Variants in WDR59 observed in about 807,000 individuals in gnomAD.
WDR59 encodes the protein WD repeat domain 59.
In WDR59, 100 loss-of-function variants were observed where a neutral mutation model predicts 131.2. The ratio of observed to expected loss-of-function variants is 0.76; its 90% CI spans 0.65 to 0.90. The LOEUF (loss-of-function observed/expected upper bound fraction) is 0.90, where lower values mean the gene tolerates loss of function less well. Among genes scored for constraint, WDR59 ranks in the 40% least tolerant of loss-of-function variants. The pLI is 0.00. For synonymous variants in WDR59, 601 were observed against 466.2 expected (o/e 1.29, Z -3.72); for missense variants, 1,203 against 1,262.2 (o/e 0.95, Z 0.71).
chr16:74,921,933 C>T lies in WDR59; in HGVS notation c.886+14G>A, dbSNP rs373758287. ...GCTCAGAAGGAAAGTGGGCAGCAGG[C>T]CTCTCCCACTCACCTTCCTTCTGCT... On this transcript the variant is annotated intron_variant, in intron 10 of 25. Coordinates refer to ENST00000262144, the MANE Select transcript of WDR59 (RefSeq NM_030581.4). The T allele has an allele frequency of 6.2e-7, 1 of 1,612,074 alleles. No homozygotes were observed. The highest frequency in any genetic ancestry group is 8.5e-7 in the Non-Finnish European group (1 of 1,179,302).
At chr16:74,957,132 G>A (rs2033333421) in intron 2 of WDR59, among the ~76,000 whole-genome samples, 1 of 145,910 alleles carries the variant, frequency 6.9e-6, no homozygotes, top group Admixed American at 7.1e-5. Context: ...CCAGGCTGGA[G>A]TACTGTGGTA....
chr16:74,903,377 A>G (rs1346568732), intron 18 of WDR59, among the ~76,000 whole-genome samples: 1 of 152,184 alleles, frequency 6.6e-6, no homozygotes, highest in East Asian at 1.9e-4. Context: ...CAGCTTAATG[A>G]TAACTACTTT....
chr16:74,948,502 G>A lies in WDR59; in HGVS notation c.445+17C>T, dbSNP rs756132660. 42 of 1,611,074 alleles carry A rather than the reference G, an allele frequency of 2.6e-5. No individual in the cohort carries two copies. Among genetic ancestry groups the A allele is most frequent in the African/African-American group, 6.7e-5 (5 of 74,832 alleles). ...AAACCAAGGCGCCAGGGTGAGGTGG[G>A]AGAAGCATACACTCACCAACAGCAG... On this transcript the variant is annotated intron_variant, in intron 6 of 25. Coordinates refer to ENST00000262144, the MANE Select transcript of WDR59 (RefSeq NM_030581.4).
chr16:74,893,832 T>C lies in WDR59; in HGVS notation c.1867-20A>G, dbSNP rs1468670651. On this transcript the variant is annotated intron_variant, in intron 18 of 25. Transcript: ENST00000262144. ...TGATTTCTAGGGGTAGATGACAGGA[T>C]GTAACTAATGGGGACTTTGACAAGT... The C allele has an allele frequency of 1.9e-6, 3 of 1,613,160 alleles. No individual in the cohort carries two copies. Among genetic ancestry groups the C allele is most frequent in the African/African-American group, 2.7e-5 (2 of 75,018 alleles).
At chr16:74,973,197 C>A (rs929390017) in intron 1 of WDR59, among the ~76,000 whole-genome samples, 1 of 152,064 alleles carries the variant, frequency 6.6e-6, no homozygotes, top group Non-Finnish European at 1.5e-5. Context: ...GCCAAGATTG[C>A]GCCATTGCAC....
intron 17 of WDR59, among the ~76,000 whole-genome samples, chr16:74,905,332 G>A (rs367547399): frequency 1.3e-4 from 19 of 150,286 alleles, no homozygotes; most frequent in East Asian, 8.0e-4. Flanking sequence ...CTGAGATTGC[G>A]CCATTGCACT....
At chr16:74,931,576 A>G (rs2031388727) in intron 8 of WDR59, among the ~76,000 whole-genome samples, 1 of 152,156 alleles carries the variant, frequency 6.6e-6, no homozygotes, top group South Asian at 2.1e-4. Flanking sequence ...AGTTCAAGCA[A>G]TCTGCCCGCT....
At chr16:74,927,452 G>C (rs2030927226) in intron 8 of WDR59, among the ~76,000 whole-genome samples, 1 of 151,972 alleles carries the variant, frequency 6.6e-6, no homozygotes, top group Non-Finnish European at 1.5e-5. Flanking sequence ...GCCAGGCATG[G>C]TGGCACACGC....
intron 13 of WDR59, 71 bp from the exon 14 acceptor site, chr16:74,912,433 C>G: frequency 6.7e-7 from 1 of 1,494,616 alleles, no homozygotes; most frequent in Non-Finnish European, 9.1e-7. Context: ...GCACATTTAA[C>G]TGAACGCTCC....
chr16:74,961,846 T>C (rs1187460028), intron 2 of WDR59, among the ~76,000 whole-genome samples: 1 of 152,168 alleles, frequency 6.6e-6, no homozygotes, highest in Non-Finnish European at 1.5e-5. Context: ...TTGGTGTTTT[T>C]GTCATAAAAT....
chr16:74,942,612 T>C (rs1244431049), intron 7 of WDR59, 126 bp downstream of exon 7: 3 of 835,288 alleles, frequency 3.6e-6, no homozygotes, highest in Non-Finnish European at 3.9e-6. Context: ...GAGCTTAAAA[T>C]GGTCATTTAC....
rs769892092 is a variant in WDR59, at chr16:74,916,198, G to C, written c.1028C>G (p.Pro343Arg). Residue 343 changes from proline to arginine, a missense_variant, in exon 12 of 26, where the codon CCG (proline) becomes CGG (arginine). Pro to Arg is a moderately radical substitution (Grantham distance 103, BLOSUM62 -2). Transcript: ENST00000262144. ...DEFIESISLL[P>R]EPEKTLHTED... The stretch of plus-strand genomic sequence containing the variant: ...AGTGTGCAGGGTCTTCTCAGGTTCC[G>C]GCAGAAGGGAAATACTCTCAATGAA... 2 of 1,613,966 alleles carry C rather than the reference G, an allele frequency of 1.2e-6. No homozygotes were observed. The highest frequency in any genetic ancestry group is 1.1e-5 in the South Asian group (1 of 91,078).
At chr16:74,899,815 GA>G (rs1166596445) in intron 18 of WDR59, 1 of 1,139,406 alleles carries the variant, frequency 8.8e-7, no homozygotes, top group Non-Finnish European at 1.2e-6. Flanking sequence ...AATTAAAAGG[GA>G]AAAATATAGA....
chr16:74,908,155 C>G (rs1295321786), intron 17 of WDR59, among the ~76,000 whole-genome samples: 3 of 149,470 alleles, frequency 2.0e-5, no homozygotes, highest in African/African-American at 7.4e-5. Flanking sequence ...TGGTGGCTCA[C>G]ACCTGTAACC....
At chr16:74,925,858 G>A (rs115117230) in intron 8 of WDR59, among the ~76,000 whole-genome samples, 2,184 of 152,058 alleles carry the variant, frequency 0.014, 64 homozygotes, top group African/African-American at 0.05. Context: ...GCAAGACCCT[G>A]TCTCCTCACC....
chr16:74,894,414 C>T (rs1318079664), intron 18 of WDR59, among the ~76,000 whole-genome samples: 1 of 152,154 alleles, frequency 6.6e-6, no homozygotes, highest in Non-Finnish European at 1.5e-5. Flanking sequence ...GGGTAACAGA[C>T]ATGGAAGATT....
In WDR59 at chr16:74,912,385, T is replaced by A. The variant is rs369163645; in HGVS notation, c.1225-23A>T. The A allele has an allele frequency of 1.0e-4, 167 of 1,602,604 alleles. 4 individuals are homozygous for A. The South Asian group carries it at 1.3e-3, about 13-fold the overall frequency. ...CATCTGCAAGAGACAAATCCACAAT[T>A]GCTGTAGAAACAAACCATAAAGCGT... On this transcript the variant is annotated intron_variant, in intron 13 of 25. Coordinates refer to ENST00000262144, the MANE Select transcript of WDR59 (RefSeq NM_030581.4).
At chr16:74,920,755 C>T (rs1042457521) in intron 10 of WDR59, among the ~76,000 whole-genome samples, 1 of 152,174 alleles carries the variant, frequency 6.6e-6, no homozygotes, top group Non-Finnish European at 1.5e-5. Context: ...ATAACCCCAT[C>T]ATAAGGAACA....
At chr16:74,926,539 A>G (rs966038661) in intron 8 of WDR59, among the ~76,000 whole-genome samples, 3 of 152,186 alleles carry the variant, frequency 2.0e-5, no homozygotes, top group African/African-American at 7.2e-5. Context: ...TTTAATAATC[A>G]TAACCTTTTC....
Sources: gnomAD v4.1 joint callset for allele counts (sites outside exome capture counted in the v4.1 genomes callset) on GRCh38, gnomAD v4.1.1 for gene constraint, MANE v1.5 for transcripts, NCBI Gene and HGNC (gene_info 2026-07-23, HGNC 2026-07-21) for gene names.